The following LRRC41 variants were observed in gnomAD, a reference collection of about 807,000 sequenced individuals.
LRRC41 encodes leucine-rich repeat-containing protein 41.
In LRRC41, 17 loss-of-function variants were observed where a neutral mutation model predicts 72.1. The ratio of observed to expected loss-of-function variants is 0.24; its 90% CI spans 0.16 to 0.35. The LOEUF is 0.35. Ranked by LOEUF, LRRC41 falls within the 10% of genes least tolerant of loss-of-function variation. LRRC41 has a pLI of 1.00. For missense variants in LRRC41, 759 were observed against 1,065.0 expected (o/e 0.71, Z 4.00); for synonymous variants, 427 against 431.0 (o/e 0.99, Z 0.11).
intron 5 of LRRC41, 96 bp downstream of exon 5, chr1:46,281,029 A>G: frequency 6.6e-7 from 1 of 1,513,646 alleles, no homozygotes; most frequent in South Asian, 1.3e-5. Context: ...TGAGTGATAG[A>G]AGAGGTCCTT....
rs1371432720 is a variant in LRRC41 at position 46,279,168 on chromosome 1, C to T, written c.2219+14G>A. The T allele has an allele frequency of 1.9e-6, 3 of 1,614,032 alleles. No homozygotes were observed. In the South Asian group the frequency reaches 3.3e-5, roughly 18 times the overall value. On this transcript the variant is annotated intron_variant, in intron 9 of 9. Transcript: ENST00000617190. This position sits in a 1 kb window ranked among gnomAD's most constrained non-coding sequence, Gnocchi z 4.5. ...TGTAGCCCCATCCCTTGTCTTGCCC[C>T]TCCCCTCATGTACCTGATGTCCAGC...
chr1:46,303,083 C>G (rs779341960), intron 1 of LRRC41, 41 bp downstream of exon 1: 12 of 1,354,934 alleles, frequency 8.9e-6, no homozygotes, highest in South Asian at 1.8e-5. Flanking sequence ...TGGGCCGCCC[C>G]TTGCTCTTAG....
chr1:46,277,904 G>A lies in LRRC41; in HGVS notation c.*961C>T. ...TGTGGTGGATGAGGAGCAGGATGTA[G>A]AGCGCCACTTCTCTCTGGGCGAGTT... On this transcript the variant is annotated 3_prime_UTR_variant, in exon 10 of 10. Transcript: ENST00000617190. 6.8e-6 allele frequency: 11 copies of A among 1,614,120 alleles called. No homozygotes were observed. The highest frequency in any genetic ancestry group is 9.3e-6 in the Non-Finnish European group (11 of 1,180,034).
chr1:46,289,147 A>G (rs1047372268), intron 3 of LRRC41, among the ~76,000 whole-genome samples: 3 of 152,208 alleles, frequency 2.0e-5, no homozygotes, highest in African/African-American at 7.2e-5. Flanking sequence ...GATGAAGACA[A>G]TGGGAGACAG....
At position 46,302,715 on chromosome 1, in the gene LRRC41, TCC is replaced by T. The variant is rs1414553664; in HGVS notation, c.199+407_199+408del. 2 of 984,772 alleles carry T rather than the reference TCC, an allele frequency of 2.0e-6. No homozygotes were observed. The highest frequency in any genetic ancestry group is 3.5e-5 in the African/African-American group (2 of 57,050). 61.0% of individuals were successfully genotyped at this position (984,772 alleles called of 1,614,324 possible). Reference sequence around the variant, plus strand: ...GCCTGGCCTTGCCTTAGGCCGGGCCTCCTAACCTCGGCCCCTGCCCTAGGGCA... The same window carrying T: ...GCCTGGCCTTGCCTTAGGCCGGGCCTTAACCTCGGCCCCTGCCCTAGGGCA... On this transcript the variant is annotated intron_variant, in intron 1 of 9. Transcript: ENST00000617190. This position sits in a 1 kb window ranked among gnomAD's most constrained non-coding sequence, Gnocchi z 4.7.
rs1660878945 is a variant in LRRC41, at chr1:46,286,025, C to T, written c.832G>A (p.Asp278Asn). Residue 278 changes from aspartate to asparagine, a missense_variant, in exon 4 of 10, where the codon GAT becomes AAT. Coordinates refer to ENST00000617190, the MANE Select transcript of LRRC41 (RefSeq NM_006369.5). This position sits in a 1 kb window ranked among gnomAD's most constrained non-coding sequence, Gnocchi z 5.5. ...GAGCCCAATAAGAGGGACCCTTCAT[C>T]TCGGGATGGGGCCCGGCCTCGGGAG... Reference protein sequence around the residue: ...EASRGRAPSRDEGSLLLGSRR... With the variant: ...EASRGRAPSRNEGSLLLGSRR... 1.3e-6 allele frequency: 2 copies of T among 1,579,496 alleles called. No individual in the cohort carries two copies. Among genetic ancestry groups the T allele is most frequent in the Non-Finnish European group, 1.7e-6 (2 of 1,161,944 alleles).
rs1471613980 is a variant in LRRC41, at chr1:46,303,360, G to T, written c.-38C>A. The stretch of plus-strand genomic sequence containing the variant: ...CGCGAGCCCGAGAGTGTCGCCCGCG[G>T]ACCGCCATCTTGAAAAGGTCAGCAG... On this transcript the variant is annotated 5_prime_UTR_variant, in exon 1 of 10. Transcript: ENST00000617190. The T allele has an allele frequency of 6.8e-7, 1 of 1,466,972 alleles. No homozygotes were observed. The allele number at this position is 1,466,972 out of a possible 1,614,324, so 90.9% of individuals were successfully genotyped here.
intron 4 of LRRC41, chr1:46,284,304 G>GA (rs1383345896): frequency 6.6e-6 from 1 of 152,198 alleles, no homozygotes; most frequent in Non-Finnish European, 1.5e-5. Flanking sequence ...TTGAAAGCAT[G>GA]AATCTGCAGT....
rs1166936234 is a variant in LRRC41, at chr1:46,279,285, C to T, written c.2144-28G>A. On this transcript the variant is annotated intron_variant, in intron 8 of 9. Coordinates refer to ENST00000617190, the MANE Select transcript of LRRC41 (RefSeq NM_006369.5). The surrounding 1 kb of genome is among the most constrained non-coding windows in gnomAD (Gnocchi z 4.5). ...GGAGAGAAGGGGAGAACGCCTATCA[C>T]CTCCACCCAAGAACAGGGGACAAGG... 6 of 1,611,410 alleles carry T rather than the reference C, an allele frequency of 3.7e-6. No homozygotes were observed. The African/African-American group carries it at 8.0e-5, about 22-fold the overall frequency.
chr1:46,287,965 C>G (rs1035161216), intron 3 of LRRC41, among the ~76,000 whole-genome samples: 2 of 152,156 alleles, frequency 1.3e-5, no homozygotes, highest in African/African-American at 4.8e-5. Flanking sequence ...GCCAAAAGGC[C>G]GAGAAGCGAT....
intron 1 of LRRC41, among the ~76,000 whole-genome samples, chr1:46,301,658 C>G (rs1189383144): frequency 6.6e-6 from 1 of 152,006 alleles, no homozygotes; most frequent in Non-Finnish European, 1.5e-5. Flanking sequence ...TTCCCCACAC[C>G]CCCTCCTCAT....
chr1:46,283,473 A>G (rs1660821703), intron 4 of LRRC41, among the ~76,000 whole-genome samples: 1 of 152,144 alleles, frequency 6.6e-6, no homozygotes, highest in Admixed American at 6.6e-5. Flanking sequence ...ATAAAAATGC[A>G]TTCAAGTTGG....
Position 46,286,517 on chromosome 1 carries a change from T to C in LRRC41, c.358-18A>G. ...GTCACACTCTGAAACGCAGAAAACA[T>C]GCCAGACAGCCATGATATATCCATG... On this transcript the variant is annotated intron_variant, in intron 3 of 9. Transcript: ENST00000617190. This position sits in a 1 kb window ranked among gnomAD's most constrained non-coding sequence, Gnocchi z 5.5. 1 of 1,572,132 alleles carries C rather than the reference T, an allele frequency of 6.4e-7. No homozygotes were observed. Among genetic ancestry groups the C allele is most frequent in the Non-Finnish European group, 8.6e-7 (1 of 1,158,466 alleles).
At chr1:46,282,752 C>T (rs1380057494) in intron 4 of LRRC41, among the ~76,000 whole-genome samples, 1 of 152,022 alleles carries the variant, frequency 6.6e-6, no homozygotes. Flanking sequence ...AACTATAGGC[C>T]AGGTGTGGTG....
chr1:46,279,175 C>T lies in LRRC41; in HGVS notation c.2219+7G>A, dbSNP rs991835050. 1 of 1,614,100 alleles carries T rather than the reference C, an allele frequency of 6.2e-7. No homozygotes were observed. Among genetic ancestry groups the T allele is most frequent in the African/African-American group, 1.3e-5 (1 of 75,050 alleles). Reference sequence around the variant, plus strand: ...CCATCCCTTGTCTTGCCCCTCCCCTCATGTACCTGATGTCCAGCTGACAGA... The same window carrying T: ...CCATCCCTTGTCTTGCCCCTCCCCTTATGTACCTGATGTCCAGCTGACAGA... On this transcript the variant is annotated splice_region_variant and intron_variant, in intron 9 of 9. Transcript: ENST00000617190. This position sits in a 1 kb window ranked among gnomAD's most constrained non-coding sequence, Gnocchi z 4.5.
chr1:46,282,582 C>T (rs571233894), intron 4 of LRRC41, among the ~76,000 whole-genome samples: 10 of 152,196 alleles, frequency 6.6e-5, no homozygotes, highest in African/African-American at 2.4e-4. Flanking sequence ...TCAGTAAAGG[C>T]ACTCCAGCTA....
chr1:46,291,346 T>C (rs1445851436), intron 3 of LRRC41, among the ~76,000 whole-genome samples: 1 of 152,106 alleles, frequency 6.6e-6, no homozygotes, highest in African/African-American at 2.4e-5. Flanking sequence ...CAAATTATTT[T>C]TTTAAGAGAC....
At chr1:46,293,686 C>T (rs1661064338) in intron 3 of LRRC41, among the ~76,000 whole-genome samples, 1 of 152,160 alleles carries the variant, frequency 6.6e-6, no homozygotes, top group Non-Finnish European at 1.5e-5. Flanking sequence ...TCTCATGCCT[C>T]AGCCTCCCAA....
At chr1:46,292,389 A>T (rs1452205221) in intron 3 of LRRC41, among the ~76,000 whole-genome samples, 1 of 152,142 alleles carries the variant, frequency 6.6e-6, no homozygotes, top group Non-Finnish European at 1.5e-5. Context: ...GAGCCACCAC[A>T]TCCAGCCAGC....
Sources: gnomAD v4.1 joint callset for allele counts (sites outside exome capture counted in the v4.1 genomes callset) on GRCh38, gnomAD v4.1.1 for gene constraint, Gnocchi (gnomAD v3.1) non-coding constraint, MANE v1.5 for transcripts, NCBI Gene and HGNC (gene_info 2026-07-23, HGNC 2026-07-21) for gene names.